CUL4A: variants seen among roughly 807,000 people sequenced by gnomAD.
CUL4A encodes the protein cullin 4A.
Under a neutral mutation model 95.5 loss-of-function variants are expected in CUL4A, and 16 were observed. The ratio of observed to expected loss-of-function variants is 0.17; its 90% CI spans 0.11 to 0.25. The LOEUF (loss-of-function observed/expected upper bound fraction) is 0.25, where lower values mean the gene tolerates loss of function less well. Among genes scored for constraint, CUL4A ranks in the 10% least tolerant of loss-of-function variants. CUL4A has a pLI of 1.00. For missense variants in CUL4A, 610 were observed against 937.0 expected, an observed-to-expected ratio of 0.65 and a Z score of 4.56; for synonymous variants, 380 against 353.1, an observed-to-expected ratio of 1.08 and a Z score of -0.85.
At position 113,235,182 on chromosome 13, in the gene CUL4A, AC is replaced by A. The variant is rs1468053915; in HGVS notation, c.848+39del. On this transcript the variant is annotated intron_variant, in intron 8 of 19. Transcript: ENST00000375440. The stretch of plus-strand genomic sequence containing the variant: ...TTGCTCGCTGAGCGTTCGTATCTTC[AC>A]CATGGCTGGAAGGTTCTCCTGGCTG... The A allele has an allele frequency of 3.5e-6, 5 of 1,437,796 alleles. No homozygotes were observed. The East Asian group carries it at 1.1e-4, about 32-fold the overall frequency. 89.1% of individuals were successfully genotyped at this position (1,437,796 alleles called of 1,614,324 possible). A position where few individuals can be genotyped will look rare whatever the true frequency, so the allele number is the denominator to read the frequency against.
At chr13:113,210,985 A>C (rs2040413730) in intron 2 of CUL4A, among the ~76,000 whole-genome samples, 1 of 152,246 alleles carries the variant, frequency 6.6e-6, no homozygotes, top group African/African-American at 2.4e-5. Context: ...GATAGAGTCT[A>C]CATATAATGT....
rs896013422 is a variant in CUL4A at position 113,264,941 on chromosome 13, A to T, written c.*1359A>T. 1.0e-4 allele frequency: 2 copies of T among 19,452 alleles called. No homozygotes were observed. Among genetic ancestry groups the T allele is most frequent in the African/African-American group, 1.7e-4 (2 of 11,520 alleles). 1.2% of individuals were successfully genotyped at this position (19,452 alleles called of 1,614,324 possible). A position where few individuals can be genotyped will look rare whatever the true frequency, so the allele number is the denominator to read the frequency against. On this transcript the variant is annotated 3_prime_UTR_variant, in exon 20 of 20. Coordinates refer to ENST00000375440, the MANE Select transcript of CUL4A (RefSeq NM_001008895.4). Reference sequence around the variant, plus strand: ...ATGTGGTCTAAGAAAGACCAAACAGATTTCTATTTTTTTTTTCTTATAAGT... The same window carrying T: ...ATGTGGTCTAAGAAAGACCAAACAGTTTTCTATTTTTTTTTTCTTATAAGT...
Position 113,227,987 on chromosome 13 carries a change from A to T in CUL4A, c.380A>T (p.Asp127Val). The T allele has an allele frequency of 6.2e-7, 1 of 1,608,760 alleles. No homozygotes were observed. The highest frequency in any genetic ancestry group is 8.5e-7 in the Non-Finnish European group (1 of 1,175,126). The change falls in exon 4 of 20, where the codon GAT (aspartate) becomes GTT (valine). Residue 127 changes from aspartate to valine, a missense_variant. Physicochemically the swap from Asp to Val is radical, Grantham distance 152. This residue lies in a region of CUL4A where 168 missense variants were observed against 185.5 expected (regional missense o/e 0.91). Transcript: ENST00000375440. ...TAGCAGATCTGTACAGACTCACTAG[A>T]TAGTGTTTTATTTTTAAAGAAGATT... ...QILPFREDSLDSVLFLKKINT... is the reference protein window; with the variant it reads ...QILPFREDSLVSVLFLKKINT...
chr13:113,253,266 A>C, intron 16 of CUL4A, 71 bp downstream of exon 16: 1 of 708,878 alleles, frequency 1.4e-6, no homozygotes, highest in East Asian at 3.2e-5. Flanking sequence ...TTGTTACTGG[A>C]CTTTAGTAGC....
upstream of CUL4A, chr13:113,208,584 C>A: frequency 1.2e-6 from 2 of 1,607,316 alleles, no homozygotes; most frequent in Non-Finnish European, 1.7e-6. Flanking sequence ...CGCGCGCTCC[C>A]CGGCTAGGAC....
intron 2 of CUL4A, among the ~76,000 whole-genome samples, chr13:113,215,209 GAGTA>G (rs2040606974): frequency 1.0e-5 from 1 of 95,590 alleles, no homozygotes; most frequent in Middle Eastern, 5.1e-3. Flanking sequence ...GTCTGTGTGG[GAGTA>G]TGGAGGTCAC....
intron 2 of CUL4A, among the ~76,000 whole-genome samples, chr13:113,218,703 A>G (rs760425758): frequency 1.3e-5 from 2 of 152,192 alleles, no homozygotes; most frequent in African/African-American, 2.4e-5. Context: ...AGCAGGTGCA[A>G]TGTGCCCACA....
rs1471031335 is a variant in CUL4A, at chr13:113,233,332, A to G, written c.668A>G (p.Asp223Gly). 2 of 1,612,612 alleles carry G rather than the reference A, an allele frequency of 1.2e-6. No individual in the cohort carries two copies. The highest frequency in any genetic ancestry group is 2.7e-5 in the African/African-American group (2 of 75,002). ...CGGAGCCTCCTGGGCATGCTGTCTG[A>G]CCTGCAGGTGAGTGCTGCCTGTGCG... The part of the protein sequence containing the change: ...LLRSLLGMLS[D>G]LQVYKDSFEL... Residue 223 changes from aspartate to glycine, a missense_variant, in exon 6 of 20, where the codon GAC becomes GGC. Transcript: ENST00000375440.
intron 11 of CUL4A, 82 bp from the exon 12 acceptor site, chr13:113,244,328 T>A: frequency 1.0e-6 from 1 of 987,816 alleles, no homozygotes; most frequent in Non-Finnish European, 1.6e-6. Flanking sequence ...TTCCAGAATG[T>A]TCCTGTACAA....
chr13:113,230,672 A>C (rs2041277847), intron 5 of CUL4A, among the ~76,000 whole-genome samples: 1 of 151,980 alleles, frequency 6.6e-6, no homozygotes, highest in Admixed American at 6.6e-5. Flanking sequence ...GGCCATTGTC[A>C]CTCCTATTTT....
In CUL4A at chr13:113,215,098, G is replaced by A. The variant is rs535278906; in HGVS notation, c.265-3847G>A. Reference sequence around the variant, plus strand: ...TGACTGTGGAGGTCGCGTCCCGTGTGGCTGTGGAGGTCACTGTGTGACCAT... The same window carrying A: ...TGACTGTGGAGGTCGCGTCCCGTGTAGCTGTGGAGGTCACTGTGTGACCAT... On this transcript the variant is annotated intron_variant, in intron 2 of 19. Transcript: ENST00000375440. Among the ~76,000 whole-genome samples the A allele has an allele frequency of 1.1e-4, 16 of 151,300 alleles. No individual in the cohort carries two copies. In the East Asian group the frequency reaches 3.1e-3, roughly 30 times the overall value.
intron 2 of CUL4A, among the ~76,000 whole-genome samples, chr13:113,216,789 A>C (rs2040709782): frequency 1.3e-5 from 2 of 152,236 alleles, no homozygotes. Context: ...TGTTCCTGCC[A>C]GCAAGGAGTT....
chr13:113,208,949 G>A, upstream of CUL4A: 1 of 1,262,186 alleles, frequency 7.9e-7, no homozygotes, highest in South Asian at 2.1e-5. Flanking sequence ...CTTTCACTGC[G>A]CTGACCCTTC....
chr13:113,221,314 AT>A (rs2040888578), intron 3 of CUL4A, among the ~76,000 whole-genome samples: 1 of 152,200 alleles, frequency 6.6e-6, no homozygotes, highest in South Asian at 2.1e-4. Context: ...CCAGAATTAG[AT>A]TGTTCATGGA....
intron 2 of CUL4A, among the ~76,000 whole-genome samples, chr13:113,212,818 T>A (rs2040499924): frequency 6.6e-6 from 1 of 152,168 alleles, no homozygotes; most frequent in Admixed American, 6.5e-5. Context: ...GAGTCAGTGT[T>A]TTCCCTGCAA....
chr13:113,226,520 G>A (rs1374105380), intron 3 of CUL4A, among the ~76,000 whole-genome samples: 2 of 152,234 alleles, frequency 1.3e-5, no homozygotes, highest in African/African-American at 4.8e-5. Flanking sequence ...ATGATTCTCA[G>A]CTTTGCATGA....
At chr13:113,236,356 A>G (rs1021153400) in intron 8 of CUL4A, among the ~76,000 whole-genome samples, 1 of 152,174 alleles carries the variant, frequency 6.6e-6, no homozygotes, top group Non-Finnish European at 1.5e-5. Flanking sequence ...TCCGGGGGAA[A>G]TAGTGGAGAG....
At chr13:113,235,520 T>C (rs1238482983) in intron 8 of CUL4A, among the ~76,000 whole-genome samples, 2 of 152,238 alleles carry the variant, frequency 1.3e-5, no homozygotes, top group African/African-American at 4.8e-5. Context: ...TTTTCTCTTT[T>C]CATCTTATGT....
chr13:113,209,750 G>A lies in CUL4A; in HGVS notation c.123G>A (p.Lys41=). ...AGCCGGGGGGCGCGGGCGGCTCCAAGAAGCTGGTCATCAAGAACTTCCGAG... is the reference window on the plus strand; with the variant it reads ...AGCCGGGGGGCGCGGGCGGCTCCAAAAAGCTGGTCATCAAGAACTTCCGAG... The part of the protein sequence containing the change: ...PAKPGGAGGS[K]KLVIKNFRDR... The change falls in exon 1 of 20, where the codon AAG becomes AAA. Residue 41 remains lysine, a synonymous_variant. Coordinates refer to ENST00000375440, the MANE Select transcript of CUL4A (RefSeq NM_001008895.4). 1.7e-6 allele frequency: 2 copies of A among 1,175,654 alleles called. No individual in the cohort carries two copies. The highest frequency in any genetic ancestry group is 3.7e-5 in the East Asian group (1 of 27,178). The allele number at this position is 1,175,654 out of a possible 1,614,324, so 72.8% of individuals were successfully genotyped here. A position where few individuals can be genotyped will look rare whatever the true frequency, so the allele number is the denominator to read the frequency against.
Sources: gnomAD v4.1 joint callset for allele counts (sites outside exome capture counted in the v4.1 genomes callset) on GRCh38, gnomAD v4.1.1 for gene constraint, gnomAD v4.1.1 regional missense constraint, MANE v1.5 for transcripts, NCBI Gene and HGNC (gene_info 2026-07-23, HGNC 2026-07-21) for gene names.